The following SLC28A1 variants were observed in gnomAD, a reference collection of about 807,000 sequenced individuals.
SLC28A1 encodes the protein sodium/nucleoside cotransporter 1.
In SLC28A1, 64 loss-of-function variants were observed where a neutral mutation model predicts 74.8. The ratio of observed to expected loss-of-function variants is 0.86; its 90% confidence interval spans 0.70 to 1.05. The LOEUF is 1.05. Ranked by LOEUF, SLC28A1 falls within the 50% of genes least tolerant of loss-of-function variation. The pLI, the probability that SLC28A1 is intolerant of heterozygous loss-of-function variation, is 0.00. For synonymous variants in SLC28A1, 359 were observed against 335.0 expected (o/e 1.07, Z -0.78); for missense variants, 828 against 822.8 (o/e 1.01, Z -0.08).
At chr15:84,915,675 C>A (rs12438877) in intron 9 of SLC28A1, among the ~76,000 whole-genome samples, 14,154 of 152,164 alleles carry the variant, frequency 0.093, 1,403 homozygotes, top group East Asian at 0.52. Flanking sequence ...TCAGTCCTTA[C>A]CGTTCCAGAG....
At chr15:84,912,579 A>G (rs1033869822) in intron 9 of SLC28A1, among the ~76,000 whole-genome samples, 1 of 151,950 alleles carries the variant, frequency 6.6e-6, no homozygotes, top group South Asian at 2.1e-4. Context: ...CACCCGCATG[A>G]TCATACTCCC....
At chr15:84,958,972 C>T in the SLC28A1 span, among the ~76,000 whole-genome samples, 2 of 151,478 alleles carry the variant, frequency 1.3e-5, no homozygotes, top group Non-Finnish European at 2.9e-5. Context: ...GAGTGGTGCA[C>T]ACCTGTAGTC....
chr15:84,938,057 A>G (rs1972154385), intron 15 of SLC28A1, among the ~76,000 whole-genome samples: 1 of 152,084 alleles, frequency 6.6e-6, no homozygotes, highest in Admixed American at 6.5e-5. Context: ...AAAATTAGCC[A>G]GGTGTGGTGG....
intron 12 of SLC28A1, among the ~76,000 whole-genome samples, chr15:84,929,425 C>T (rs1003392448): frequency 6.6e-6 from 1 of 151,740 alleles, no homozygotes; most frequent in South Asian, 2.1e-4. Flanking sequence ...GTGCCTGTAA[C>T]CCCAGCTACT....
intron 10 of SLC28A1, 91 bp from the exon 11 acceptor site, chr15:84,920,898 G>T: frequency 4.0e-6 from 4 of 999,564 alleles, no homozygotes; most frequent in Non-Finnish European, 6.4e-6. Context: ...TGGGAGTTGG[G>T]AGGAAACTGT....
At chr15:84,934,125 T>C (rs1322718188) in intron 13 of SLC28A1, among the ~76,000 whole-genome samples, 2 of 152,186 alleles carry the variant, frequency 1.3e-5, no homozygotes, top group Non-Finnish European at 2.9e-5. Flanking sequence ...TACTGCCACA[T>C]TGAGGATTAA....
At chr15:84,936,248 G>A in intron 15 of SLC28A1, among the ~76,000 whole-genome samples, 1 of 145,408 alleles carries the variant, frequency 6.9e-6, no homozygotes, top group African/African-American at 2.6e-5. Flanking sequence ...CGGCTGTTTT[G>A]GTTTGGTTTG....
chr15:84,945,263 C>T lies in SLC28A1; in HGVS notation c.*63C>T. 2.0e-6 allele frequency: 3 copies of T among 1,479,378 alleles called. No homozygotes were observed. The highest frequency in any genetic ancestry group is 2.8e-6 in the Non-Finnish European group (3 of 1,058,682). 91.6% of individuals were successfully genotyped at this position (1,479,378 alleles called of 1,614,324 possible). A position where few individuals can be genotyped will look rare whatever the true frequency, so the allele number is the denominator to read the frequency against. On this transcript the variant is annotated 3_prime_UTR_variant, in exon 19 of 19. Coordinates refer to ENST00000394573, the MANE Select transcript of SLC28A1 (RefSeq NM_004213.5). ...TGTTCTCCCCCGGGAACCATCTGTC[C>T]CCACCTTCCCTTTCCCAGAGCCCTC...
intron 12 of SLC28A1, among the ~76,000 whole-genome samples, chr15:84,932,595 A>G (rs996347425): frequency 6.6e-6 from 1 of 152,220 alleles, no homozygotes; most frequent in Non-Finnish European, 1.5e-5. Flanking sequence ...GAGAGAGCCT[A>G]GAGAGGGAGT....
intron 12 of SLC28A1, among the ~76,000 whole-genome samples, chr15:84,931,089 A>G (rs539266642): frequency 1.1e-4 from 17 of 151,716 alleles, no homozygotes; most frequent in Admixed American, 7.2e-4. Context: ...TATTCTTAGT[A>G]GAGATGGGGT....
the SLC28A1 span, among the ~76,000 whole-genome samples, chr15:84,970,587 G>A: frequency 6.6e-6 from 1 of 152,174 alleles, no homozygotes; most frequent in South Asian, 2.1e-4. Flanking sequence ...CAAGTCAAGT[G>A]CCACAGGACT....
chr15:84,884,906 C>T (rs1191505567), intron 1 of SLC28A1, among the ~76,000 whole-genome samples, 155 bp downstream of exon 1: 1 of 152,138 alleles, frequency 6.6e-6, no homozygotes, highest in Non-Finnish European at 1.5e-5. Flanking sequence ...CAGGCCCATC[C>T]CTGTGGTGGC....
chr15:84,971,661 T>G, the SLC28A1 span, among the ~76,000 whole-genome samples: 2 of 151,058 alleles, frequency 1.3e-5, no homozygotes, highest in African/African-American at 2.4e-5. Flanking sequence ...GTTCTTCTCT[T>G]TTCTTTTTGA....
intron 4 of SLC28A1, among the ~76,000 whole-genome samples, chr15:84,889,453 G>A (rs948003551): frequency 1.2e-4 from 18 of 152,160 alleles, no homozygotes; most frequent in Non-Finnish European, 2.5e-4. Context: ...GATATGGGAA[G>A]AATGCCTCCT....
chr15:84,949,175 T>G (rs1017176219), downstream of SLC28A1, among the ~76,000 whole-genome samples: 2 of 152,160 alleles, frequency 1.3e-5, no homozygotes, highest in African/African-American at 2.4e-5. Flanking sequence ...ATAGCAGGGT[T>G]TCAAAATTTG....
At chr15:84,952,147 T>A in the SLC28A1 span, among the ~76,000 whole-genome samples, 3 of 152,126 alleles carry the variant, frequency 2.0e-5, no homozygotes, top group Non-Finnish European at 2.9e-5. Flanking sequence ...AGGACAGGCT[T>A]CTCAGGTCCC....
At chr15:84,933,467 A>G (rs1382680523) in intron 13 of SLC28A1, among the ~76,000 whole-genome samples, 192 bp downstream of exon 13, 1 of 152,048 alleles carries the variant, frequency 6.6e-6, no homozygotes, top group Non-Finnish European at 1.5e-5. Context: ...AAATCCTGAA[A>G]CTGGGTACTT....
chr15:84,908,914 T>A (rs1967718389), intron 9 of SLC28A1, 119 bp downstream of exon 9: 9 of 824,266 alleles, frequency 1.1e-5, no homozygotes, highest in Non-Finnish European at 1.9e-5. Context: ...TGGGCAGAGG[T>A]CGCCGTACTG....
At chr15:84,927,039 A>G (rs1027186357) in intron 12 of SLC28A1, among the ~76,000 whole-genome samples, 1 of 152,082 alleles carries the variant, frequency 6.6e-6, no homozygotes, top group Non-Finnish European at 1.5e-5. Context: ...GTGACTTTTC[A>G]AGAAGTCCCC....
Sources: gnomAD v4.1 joint callset for allele counts (sites outside exome capture counted in the v4.1 genomes callset) on GRCh38, gnomAD v4.1.1 for gene constraint, MANE v1.5 for transcripts, NCBI Gene and HGNC (gene_info 2026-07-23, HGNC 2026-07-21) for gene names.